Variants in DGKI observed in about 807,000 individuals in gnomAD.
The protein encoded by DGKI is diacylglycerol kinase iota, also known as DAG kinase iota.
DGKI carries 55 observed loss-of-function variants against 147.5 expected under a neutral mutation model. The ratio of observed to expected loss-of-function variants is 0.37; its 90% confidence interval spans 0.30 to 0.47. The LOEUF (loss-of-function observed/expected upper bound fraction) is 0.47, where lower values mean the gene tolerates loss of function less well. Among genes scored for constraint, DGKI ranks in the 20% least tolerant of loss-of-function variants. The probability of loss-of-function intolerance (pLI) is 1.00; values close to 1 mark genes in which losing one functional copy is unlikely to be tolerated. For synonymous variants in DGKI, 469 were observed against 477.1 expected (o/e 0.98, Z 0.22); for missense variants, 1,007 against 1,323.8 (o/e 0.76, Z 3.71).
intron 1 of DGKI, among the ~76,000 whole-genome samples, chr7:137,830,679 G>C (rs1798192525): frequency 1.3e-5 from 2 of 152,216 alleles, no homozygotes; most frequent in Admixed American, 6.5e-5. Context: ...AAGAGCTGAA[G>C]AGGCATGTGA....
Position 137,777,580 on chromosome 7 carries a change from C to T in DGKI, c.401+68882G>A, listed in dbSNP as rs534825308. On this transcript the variant is annotated intron_variant, in intron 1 of 32. Transcript: ENST00000614521. The stretch of plus-strand genomic sequence containing the variant: ...TTTTTGAAATCAGAATCAGCCTTTT[C>T]CTTTGTGTTCATAAAACTTTAAGTC... Among the ~76,000 whole-genome samples the T allele has an allele frequency of 7.9e-5, 12 of 152,292 alleles. No individual in the cohort carries two copies. In the South Asian group the frequency reaches 2.3e-3, roughly 29 times the overall value.
chr7:137,752,265 C>T (rs1318979064), intron 1 of DGKI, among the ~76,000 whole-genome samples: 1 of 142,120 alleles, frequency 7.0e-6, no homozygotes, highest in African/African-American at 2.6e-5. Context: ...ATCAACAATA[C>T]AAAAAAAAAA....
intron 3 of DGKI, among the ~76,000 whole-genome samples, chr7:137,670,487 T>C (rs1822804431): frequency 6.6e-6 from 1 of 152,170 alleles, no homozygotes; most frequent in African/African-American, 2.4e-5. Flanking sequence ...TGCTGAGCTA[T>C]CAGGCCAGAC....
intron 21 of DGKI, among the ~76,000 whole-genome samples, chr7:137,519,647 C>T (rs1226189142): frequency 1.3e-5 from 2 of 151,962 alleles, no homozygotes; most frequent in Non-Finnish European, 1.5e-5. Context: ...CTTAAGCTTG[C>T]TTTTGTCTTT....
At chr7:137,698,288 C>T (rs1039314705) in intron 1 of DGKI, among the ~76,000 whole-genome samples, 29 of 151,792 alleles carry the variant, frequency 1.9e-4, no homozygotes, top group African/African-American at 6.8e-4. Context: ...ATTCTTTTAC[C>T]CACTTTCTTT....
chr7:137,585,127 G>A, intron 14 of DGKI, 82 bp downstream of exon 14: 1 of 1,507,018 alleles, frequency 6.6e-7, no homozygotes, highest in Non-Finnish European at 9.1e-7. Context: ...ATCAGCACAT[G>A]ACTCTCCAGC....
chr7:137,586,875 T>C (rs542546661), intron 13 of DGKI, among the ~76,000 whole-genome samples: 1 of 152,322 alleles, frequency 6.6e-6, no homozygotes, highest in South Asian at 2.1e-4. Flanking sequence ...CTAACCACTA[T>C]ATTTCTCTCA....
intron 1 of DGKI, among the ~76,000 whole-genome samples, chr7:137,776,149 C>T (rs62490510): frequency 1.2e-3 from 186 of 152,280 alleles, no homozygotes; most frequent in Non-Finnish European, 2.4e-3. Flanking sequence ...TGAGCCACCA[C>T]GCCCAGCTAA....
At chr7:137,603,685 G>A (rs532860973) in intron 10 of DGKI, among the ~76,000 whole-genome samples, 6 of 152,274 alleles carry the variant, frequency 3.9e-5, no homozygotes, top group East Asian at 1.9e-4. Context: ...ATTAGAAGGC[G>A]TTGTAAGTAA....
intron 21 of DGKI, among the ~76,000 whole-genome samples, chr7:137,508,210 G>A (rs1816436025): frequency 2.1e-5 from 3 of 143,952 alleles, no homozygotes; most frequent in South Asian, 4.6e-4. Flanking sequence ...TGGAACTTTA[G>A]ACAGGTTTCT....
Position 137,452,254 on chromosome 7 carries a change from A to C in DGKI, c.2736-8152T>G, listed in dbSNP as rs192108020. ...AGTTTAAATAGGCACAAGAGCATAG[A>C]TTCATATTCTGAAAACACTCAGCAG... On this transcript the variant is annotated intron_variant, in intron 27 of 32. Transcript: ENST00000614521. Among the ~76,000 whole-genome samples the C allele has an allele frequency of 3.8e-3, 576 of 152,308 alleles. 1 individual carries two copies. Among genetic ancestry groups the C allele is most frequent in the Middle Eastern group, 0.017 (5 of 294 alleles).
At chr7:137,592,145 C>T (rs1585264095) in intron 12 of DGKI, among the ~76,000 whole-genome samples, 1 of 152,180 alleles carries the variant, frequency 6.6e-6, no homozygotes, top group Non-Finnish European at 1.5e-5. Flanking sequence ...AACCCGTTTC[C>T]ACCTGAAGTC....
intron 30 of DGKI, among the ~76,000 whole-genome samples, chr7:137,397,620 A>G (rs1218837381): frequency 6.6e-6 from 1 of 152,232 alleles, no homozygotes. Context: ...AGAATGGTAG[A>G]TAAAAAAGAA....
chr7:137,813,734 T>G (rs1000625699), intron 1 of DGKI, among the ~76,000 whole-genome samples: 2 of 152,194 alleles, frequency 1.3e-5, no homozygotes, highest in African/African-American at 4.8e-5. Context: ...ATGAGACAGA[T>G]GGAAAAATGC....
At chr7:137,489,978 G>T (rs182872285) in intron 21 of DGKI, among the ~76,000 whole-genome samples, 1 of 152,206 alleles carries the variant, frequency 6.6e-6, no homozygotes, top group East Asian at 1.9e-4. Context: ...TAGCTAAAAA[G>T]AAGTTTTCAA....
At chr7:137,725,413 T>G (rs1448509745) in intron 1 of DGKI, among the ~76,000 whole-genome samples, 1 of 152,114 alleles carries the variant, frequency 6.6e-6, no homozygotes, top group African/African-American at 2.4e-5. Flanking sequence ...TTCATTACAT[T>G]TTTATGCCTC....
chr7:137,432,591 CAT>C, intron 28 of DGKI, among the ~76,000 whole-genome samples: 1 of 152,156 alleles, frequency 6.6e-6, no homozygotes. Flanking sequence ...TTATTATTAT[CAT>C]CCTCATTTTC....
chr7:137,512,805 G>T (rs1816622426), intron 21 of DGKI, among the ~76,000 whole-genome samples: 1 of 152,094 alleles, frequency 6.6e-6, no homozygotes, highest in South Asian at 2.1e-4. Flanking sequence ...TATAAAGAAA[G>T]AAAGCCTTTA....
chr7:137,588,474 G>GGTTTTTTTTT (rs1563099937), intron 12 of DGKI, among the ~76,000 whole-genome samples: 1 of 129,226 alleles, frequency 7.7e-6, no homozygotes, highest in African/African-American at 3.7e-5. Context: ...ACATACCGAT[G>GGTTTTTTTTT]CTTTTTTTTT....
Sources: allele counts gnomAD v4.1 joint callset (sites outside exome capture counted in the v4.1 genomes callset), GRCh38; gene constraint gnomAD v4.1.1; transcripts MANE v1.5; gene names NCBI Gene and HGNC (gene_info 2026-07-23, HGNC 2026-07-21).